The following ABI3BP variants were observed in gnomAD, a reference collection of about 807,000 sequenced individuals.
The protein encoded by ABI3BP is target of Nesh-SH3.
ABI3BP carries 216 observed loss-of-function variants against 268.6 expected under a neutral mutation model. The ratio of observed to expected loss-of-function variants is 0.80; its 90% CI spans 0.72 to 0.90. The LOEUF (loss-of-function observed/expected upper bound fraction) is 0.90, where lower values mean the gene tolerates loss of function less well. ABI3BP is among the 40% of genes least tolerant of loss of function. ABI3BP has a pLI of 0.00. For missense variants in ABI3BP, 2,090 were observed against 2,182.4 expected, an observed-to-expected ratio of 0.96 and a Z score of 0.84; for synonymous variants, 730 against 730.0, an observed-to-expected ratio of 1.00 and a Z score of 0.00.
chr3:100,816,000 GA>G, intron 43 of ABI3BP, 29 bp from the exon 44 acceptor site: 1 of 1,459,260 alleles, frequency 6.9e-7, no homozygotes, highest in Non-Finnish European at 9.1e-7. Context: ...ATGAATACAA[GA>G]AAGCTTAAAG....
intron 63 of ABI3BP, 149 bp downstream of exon 63, chr3:100,765,692 G>A: frequency 1.8e-6 from 1 of 568,682 alleles, no homozygotes; most frequent in South Asian, 2.8e-5. Flanking sequence ...GACTCCAGAG[G>A]TATCTAGTGC....
At chr3:100,778,062 A>G (rs893629128) in intron 59 of ABI3BP, among the ~76,000 whole-genome samples, 1 of 152,222 alleles carries the variant, frequency 6.6e-6, no homozygotes, top group Non-Finnish European at 1.5e-5. Context: ...GACATCTAAG[A>G]AGCAAACTTG....
intron 2 of ABI3BP, among the ~76,000 whole-genome samples, chr3:100,925,436 A>AACT (rs34545332): frequency 0.86 from 131,166 of 151,738 alleles, 56,791 homozygotes; most frequent in East Asian, 1. Context: ...TTTATTTGAC[A>AACT]GAGTCTCACT....
At chr3:100,992,153 A>G in intron 1 of ABI3BP, among the ~76,000 whole-genome samples, 1 of 152,202 alleles carries the variant, frequency 6.6e-6, no homozygotes, top group East Asian at 1.9e-4. Flanking sequence ...TTATTTGATC[A>G]GAGTTGAGAA....
chr3:100,850,878 T>C (rs1400595175), intron 15 of ABI3BP, 144 bp from the exon 16 acceptor site: 1 of 613,018 alleles, frequency 1.6e-6, no homozygotes, highest in African/African-American at 1.8e-5. Flanking sequence ...TTAAAACTAG[T>C]GATACATCAG....
At position 100,750,526 on chromosome 3, in the gene ABI3BP, TCATACCACTGAA is replaced by T. The variant is rs1353609132; in HGVS notation, c.5318_5329del (p.Val1773_Tyr1776del). On this transcript the variant is annotated inframe_deletion, in exon 68 of 68. Transcript: ENST00000471714. ...TTTTCCAGGAATTGTAGTCCCACATTCATACCACTGAACATAATTGATTTGGGTGTGACCACC... is the reference window on the plus strand; with the variant it reads ...TTTTCCAGGAATTGTAGTCCCACATTCATAATTGATTTGGGTGTGACCACC... The T allele has an allele frequency of 6.2e-7, 1 of 1,613,056 alleles. No homozygotes were observed. Among genetic ancestry groups the T allele is most frequent in the Non-Finnish European group, 8.5e-7 (1 of 1,179,410 alleles).
chr3:100,789,563 CT>C (rs1560114537), intron 55 of ABI3BP, 47 bp from the exon 56 acceptor site: 2 of 1,538,270 alleles, frequency 1.3e-6, no homozygotes, highest in Non-Finnish European at 8.8e-7. Flanking sequence ...AGACCAAAGC[CT>C]CCTGAATGGA....
chr3:100,843,030 A>G (rs2152951723), intron 20 of ABI3BP, among the ~76,000 whole-genome samples: 1 of 152,314 alleles, frequency 6.6e-6, no homozygotes. Context: ...GGAGTGTGGC[A>G]GGTTTTGAGA....
chr3:100,829,701 TG>T, intron 32 of ABI3BP, 37 bp from the exon 33 acceptor site: 1 of 1,455,152 alleles, frequency 6.9e-7, no homozygotes, highest in South Asian at 1.2e-5. Flanking sequence ...ACAGCGTGTT[TG>T]GTTCCGGAAG....
chr3:100,850,230 T>A, intron 16 of ABI3BP, 111 bp from the exon 17 acceptor site: 1 of 913,092 alleles, frequency 1.1e-6, no homozygotes, highest in Non-Finnish European at 1.7e-6. Context: ...AGTACATGAT[T>A]AAAGATGAAA....
intron 43 of ABI3BP, chr3:100,816,200 C>T: frequency 2.0e-6 from 1 of 499,312 alleles, no homozygotes. Context: ...TGATATTATC[C>T]ACATGAGGTT....
At chr3:100,806,229 T>C (rs998804238) in intron 50 of ABI3BP, among the ~76,000 whole-genome samples, 4 of 152,080 alleles carry the variant, frequency 2.6e-5, no homozygotes, top group African/African-American at 9.7e-5. Flanking sequence ...TGAAAGGTGG[T>C]GGATGAACAA....
chr3:100,917,473 C>T (rs1441460726), intron 2 of ABI3BP, among the ~76,000 whole-genome samples: 1 of 152,074 alleles, frequency 6.6e-6, no homozygotes, highest in Non-Finnish European at 1.5e-5. Context: ...AGTTTAAATG[C>T]TATCTTATAT....
chr3:100,785,257 A>G (rs1287068336), intron 57 of ABI3BP, among the ~76,000 whole-genome samples: 1 of 152,166 alleles, frequency 6.6e-6, no homozygotes, highest in Non-Finnish European at 1.5e-5. Flanking sequence ...TAACACAAAA[A>G]TGATGCATTA....
At chr3:100,986,719 G>A (rs886381320) in intron 1 of ABI3BP, among the ~76,000 whole-genome samples, 3 of 151,910 alleles carry the variant, frequency 2.0e-5, no homozygotes, top group Non-Finnish European at 1.5e-5. Context: ...TGCTCACCTC[G>A]GCCTTCCAAA....
chr3:100,855,134 GC>G (rs1207992206), intron 14 of ABI3BP, among the ~76,000 whole-genome samples: 1 of 152,100 alleles, frequency 6.6e-6, no homozygotes, highest in African/African-American at 2.4e-5. Flanking sequence ...CATCATGTTG[GC>G]CAGGCTGGCT....
chr3:100,792,170 A>T (rs1248870807), intron 55 of ABI3BP, among the ~76,000 whole-genome samples: 2 of 151,928 alleles, frequency 1.3e-5, no homozygotes, highest in Non-Finnish European at 2.9e-5. Flanking sequence ...CACAGAGAAG[A>T]AATAAAAAGT....
intron 2 of ABI3BP, among the ~76,000 whole-genome samples, chr3:100,913,667 A>G (rs1362368383): frequency 1.3e-5 from 2 of 152,216 alleles, no homozygotes; most frequent in Non-Finnish European, 1.5e-5. Context: ...GTTAATACAT[A>G]CAATATAATT....
At chr3:100,843,997 G>C (rs1466517725) in intron 20 of ABI3BP, 1 of 983,796 alleles carries the variant, frequency 1.0e-6, no homozygotes, top group Non-Finnish European at 1.2e-6. Context: ...CATCAATTAA[G>C]CTTCAAAGTC....
Sources: gnomAD v4.1 joint callset for allele counts (sites outside exome capture counted in the v4.1 genomes callset) on GRCh38, gnomAD v4.1.1 for gene constraint, MANE v1.5 for transcripts, NCBI Gene and HGNC (gene_info 2026-07-23, HGNC 2026-07-21) for gene names.